TUSC3: variants seen among roughly 807,000 people sequenced by gnomAD.
The protein encoded by TUSC3 is dolichyl-diphosphooligosaccharide--protein glycosyltransferase subunit TUSC3.
In TUSC3, 45 loss-of-function variants were observed where a neutral mutation model predicts 44.8. The observed-to-expected ratio is 1.00, with a 90% CI of 0.79 to 1.29. The LOEUF (loss-of-function observed/expected upper bound fraction) is 1.29, where lower values mean the gene tolerates loss of function less well. Ranked by LOEUF, TUSC3 falls within the 50% of genes most tolerant of loss-of-function variation. TUSC3 has a pLI of 0.00. For missense variants in TUSC3, 519 were observed against 437.9 expected (o/e 1.19, Z -1.65); for synonymous variants, 212 against 152.9 (o/e 1.39, Z -2.85).
intron 2 of TUSC3, among the ~76,000 whole-genome samples, chr8:15,637,385 C>A (rs1470038568): frequency 1.3e-5 from 2 of 152,078 alleles, no homozygotes; most frequent in African/African-American, 4.8e-5. Flanking sequence ...TTTTTTGAAA[C>A]ATACTGGTTT....
the TUSC3 span, among the ~76,000 whole-genome samples, chr8:15,810,972 A>T: frequency 1.3e-5 from 2 of 151,888 alleles, no homozygotes; most frequent in Non-Finnish European, 2.9e-5. Flanking sequence ...GATCGTGTGG[A>T]GCTTATAGAC....
In TUSC3 at chr8:15,751,054, G is replaced by C. The variant is rs191448573; in HGVS notation, c.1028+2589G>C. 1.3e-5 allele frequency among the ~76,000 whole-genome samples: 2 copies of C among 152,228 alleles called. 1 individual carries two copies. Among genetic ancestry groups the C allele is most frequent in the Non-Finnish European group, 2.9e-5 (2 of 68,018 alleles). ...AGAAATGGCAGGCAGGCCTCTGGCT[G>C]CTATAACAGCTCTTCACAGTGCTCC... On this transcript the variant is annotated intron_variant, in intron 9 of 10. Transcript: ENST00000503731.
intron 1 of TUSC3, among the ~76,000 whole-genome samples, chr8:15,582,182 G>T (rs200491136): frequency 3.3e-5 from 5 of 152,170 alleles, no homozygotes; most frequent in Non-Finnish European, 7.3e-5. Flanking sequence ...CATGGTGCGC[G>T]CACCCACTGG....
chr8:15,670,965 T>C (rs1264460243), intron 5 of TUSC3, among the ~76,000 whole-genome samples: 1 of 151,918 alleles, frequency 6.6e-6, no homozygotes, highest in Non-Finnish European at 1.5e-5. Flanking sequence ...GCAAATAAAA[T>C]GACAGTGTGA....
the TUSC3 span, among the ~76,000 whole-genome samples, chr8:15,780,699 C>T: frequency 6.6e-6 from 1 of 152,084 alleles, no homozygotes; most frequent in Admixed American, 6.5e-5. Flanking sequence ...TTCCCTGGCT[C>T]ACCCCAGCAA....
intron 7 of TUSC3, among the ~76,000 whole-genome samples, chr8:15,739,996 G>C (rs1181067383): frequency 6.6e-6 from 1 of 152,256 alleles, no homozygotes; most frequent in Non-Finnish European, 1.5e-5. Context: ...CAAAGTTCTT[G>C]CCCTTTTGGA....
intron 6 of TUSC3, among the ~76,000 whole-genome samples, chr8:15,690,632 G>A (rs1346589187): frequency 6.6e-6 from 1 of 151,960 alleles, no homozygotes; most frequent in African/African-American, 2.4e-5. Flanking sequence ...TTATCGTTTT[G>A]TTTTTACATT....
At chr8:15,593,009 G>T (rs543696116) in intron 1 of TUSC3, among the ~76,000 whole-genome samples, 3 of 152,072 alleles carry the variant, frequency 2.0e-5, no homozygotes, top group Non-Finnish European at 2.9e-5. Context: ...AGGTTTGGGG[G>T]TATGAACATT....
Position 15,650,678 on chromosome 8 carries a change from G to T in TUSC3, c.309-19G>T. The T allele has an allele frequency of 6.2e-7, 1 of 1,603,336 alleles. No homozygotes were observed. The highest frequency in any genetic ancestry group is 8.5e-7 in the Non-Finnish European group (1 of 1,170,468). On this transcript the variant is annotated intron_variant, in intron 2 of 10. Transcript: ENST00000503731. Reference sequence around the variant, plus strand: ...TTCAGTACTGATGTGTTTCTACTATGGCCCATTATTCTTATCAGGCAAGCT... The same window carrying T: ...TTCAGTACTGATGTGTTTCTACTATTGCCCATTATTCTTATCAGGCAAGCT...
At chr8:15,438,253 C>G (rs1799976862) in intron 1 of TUSC3, among the ~76,000 whole-genome samples, 1 of 152,118 alleles carries the variant, frequency 6.6e-6, no homozygotes, top group Non-Finnish European at 1.5e-5. Flanking sequence ...CGCCACCACG[C>G]CCAGCTAATT....
At chr8:15,604,394 C>G (rs1403109418) in intron 1 of TUSC3, among the ~76,000 whole-genome samples, 1 of 151,592 alleles carries the variant, frequency 6.6e-6, no homozygotes, top group Non-Finnish European at 1.5e-5. Context: ...AGACCTTATT[C>G]GATGATAATT....
the TUSC3 span, among the ~76,000 whole-genome samples, chr8:15,794,666 C>G: frequency 2.0e-5 from 3 of 152,010 alleles, no homozygotes; most frequent in African/African-American, 7.2e-5. Context: ...ACAAAGAGGG[C>G]CCAATGACAC....
At chr8:15,592,913 C>A (rs771417570) in intron 1 of TUSC3, among the ~76,000 whole-genome samples, 5 of 152,120 alleles carry the variant, frequency 3.3e-5, no homozygotes, top group Non-Finnish European at 7.4e-5. Flanking sequence ...CATCAGGACT[C>A]AAACTCAGGC....
At chr8:15,605,390 A>G (rs1006913408) in intron 1 of TUSC3, among the ~76,000 whole-genome samples, 3 of 151,952 alleles carry the variant, frequency 2.0e-5, no homozygotes, top group South Asian at 2.1e-4. Flanking sequence ...TTCAAATCAC[A>G]TGATTCATAA....
chr8:15,662,704 CT>C (rs1341074079), intron 5 of TUSC3, among the ~76,000 whole-genome samples: 1 of 151,896 alleles, frequency 6.6e-6, no homozygotes, highest in Non-Finnish European at 1.5e-5. Flanking sequence ...ATGTTAGATA[CT>C]GGCGATATAA....
chr8:15,724,838 A>G (rs1316882762), intron 6 of TUSC3, among the ~76,000 whole-genome samples: 7 of 152,216 alleles, frequency 4.6e-5, no homozygotes, highest in Non-Finnish European at 1.0e-4. Context: ...CTGCATGACA[A>G]AATTGGACTG....
At chr8:15,690,497 T>C (rs1053503902) in intron 6 of TUSC3, among the ~76,000 whole-genome samples, 1 of 152,204 alleles carries the variant, frequency 6.6e-6, no homozygotes, top group Non-Finnish European at 1.5e-5. Context: ...AGAAACTCTT[T>C]AGTTTAATTA....
chr8:15,685,691 C>T (rs1036599180), intron 6 of TUSC3, among the ~76,000 whole-genome samples: 8 of 152,088 alleles, frequency 5.3e-5, no homozygotes, highest in Non-Finnish European at 1.2e-4. Context: ...TAGAATGGCG[C>T]ATAGTTTGTG....
At chr8:15,501,379 G>C (rs146091608) in intron 2 of TUSC3, among the ~76,000 whole-genome samples, 2 of 152,002 alleles carry the variant, frequency 1.3e-5, no homozygotes, top group Admixed American at 1.3e-4. Context: ...TGGTACTTTC[G>C]CTATACTTCA....
Sources: gnomAD v4.1 joint callset for allele counts (sites outside exome capture counted in the v4.1 genomes callset) on GRCh38, gnomAD v4.1.1 for gene constraint, MANE v1.5 for transcripts, NCBI Gene and HGNC (gene_info 2026-07-23, HGNC 2026-07-21) for gene names.